Variants in DSE observed in about 807,000 individuals in gnomAD.
DSE encodes dermatan-sulfate epimerase.
Under a neutral mutation model 84.4 loss-of-function variants are expected in DSE, and 36 were observed. The ratio of observed to expected loss-of-function variants is 0.43; its 90% CI spans 0.33 to 0.56. The LOEUF is 0.56. Among genes scored for constraint, DSE ranks in the 20% least tolerant of loss-of-function variants. The pLI is 0.06. For synonymous variants in DSE, 410 were observed against 430.1 expected (o/e 0.95, Z 0.58); for missense variants, 862 against 1,169.6 (o/e 0.74, Z 3.84).
chr6:116,358,653 A>G (rs752110600), intron 2 of DSE, among the ~76,000 whole-genome samples: 4 of 152,182 alleles, frequency 2.6e-5, no homozygotes, highest in Non-Finnish European at 5.9e-5. Context: ...TGATCTTCCT[A>G]TTGGAAGAGC....
At chr6:116,291,028 G>T (rs1455873287) in intron 2 of DSE, among the ~76,000 whole-genome samples, 3 of 152,178 alleles carry the variant, frequency 2.0e-5, no homozygotes, top group Non-Finnish European at 4.4e-5. Context: ...CACTTCGTCT[G>T]TTCTTTCCAA....
At chr6:116,397,675 C>T (rs939369204) in intron 1 of DSE, among the ~76,000 whole-genome samples, 1 of 152,170 alleles carries the variant, frequency 6.6e-6, no homozygotes, top group South Asian at 2.1e-4. Context: ...TCCAGCCTGC[C>T]AGCTGCCTTG....
At chr6:116,433,685 T>A in intron 5 of DSE, 135 bp downstream of exon 5, 1 of 928,524 alleles carries the variant, frequency 1.1e-6, no homozygotes, top group Non-Finnish European at 1.6e-6. Context: ...CCTGAGTATA[T>A]GAAGTTTCAA....
intron 2 of DSE, among the ~76,000 whole-genome samples, chr6:116,291,290 A>T (rs926774112): frequency 9.9e-5 from 15 of 152,178 alleles, no homozygotes; most frequent in Non-Finnish European, 1.8e-4. Flanking sequence ...TTGGGTGCAC[A>T]GAATAGGAAA....
chr6:116,392,205 A>T (rs544684428), intron 1 of DSE, among the ~76,000 whole-genome samples: 3 of 152,316 alleles, frequency 2.0e-5, no homozygotes, highest in South Asian at 4.1e-4. Flanking sequence ...AGCCCTGTCT[A>T]GTATATCCTA....
Position 116,375,967 on chromosome 6 carries a change from A to G in DSE, c.-54+4846A>G, listed in dbSNP as rs11754507. Among the ~76,000 whole-genome samples, 1,511 of 152,322 alleles carry G rather than the reference A, an allele frequency of 9.9e-3. 12 individuals carry two copies. The highest frequency in any genetic ancestry group is 0.016 in the Non-Finnish European group (1,121 of 68,026). Reference sequence around the variant, plus strand: ...TCAAGTCATTAGTGGTATACCTTAAATAGAAGATTAACTTAAATTACACAT... The same window carrying G: ...TCAAGTCATTAGTGGTATACCTTAAGTAGAAGATTAACTTAAATTACACAT... On this transcript the variant is annotated intron_variant, in intron 1 of 5. Transcript: ENST00000644252.
intron 2 of DSE, among the ~76,000 whole-genome samples, chr6:116,345,429 C>T (rs992470183): frequency 3.9e-5 from 6 of 152,182 alleles, no homozygotes; most frequent in African/African-American, 1.4e-4. Flanking sequence ...TCTCAGACCA[C>T]AGTGCAATCA....
At chr6:116,260,146 C>T (rs1772349879) in intron 2 of DSE, among the ~76,000 whole-genome samples, 2 of 151,588 alleles carry the variant, frequency 1.3e-5, no homozygotes, top group South Asian at 4.2e-4. Flanking sequence ...ACCTCGCCAG[C>T]ATCTGTTTTT....
exon 2 of DSE, chr6:116,258,625 C>T (rs756697356): frequency 4.3e-6 from 7 of 1,612,438 alleles, no homozygotes; most frequent in East Asian, 4.5e-5. Flanking sequence ...CTTAATGTTC[C>T]GGAAGGCAGC....
chr6:116,347,102 G>T (rs1374682534), intron 2 of DSE, among the ~76,000 whole-genome samples: 1 of 152,138 alleles, frequency 6.6e-6, no homozygotes, highest in East Asian at 1.9e-4. Flanking sequence ...ACAGACCACT[G>T]CTCAATTAAA....
In DSE at chr6:116,438,703, G is replaced by T. The variant is rs754931773; in HGVS notation, c.*1358G>T. The T allele has an allele frequency of 2.0e-5, 3 of 152,138 alleles. No individual in the cohort carries two copies. The highest frequency in any genetic ancestry group is 4.4e-5 in the Non-Finnish European group (3 of 67,998). 9.4% of individuals were successfully genotyped at this position (152,138 alleles called of 1,614,324 possible). A position where few individuals can be genotyped will look rare whatever the true frequency, so the allele number is the denominator to read the frequency against. On this transcript the variant is annotated 3_prime_UTR_variant, in exon 6 of 6. Coordinates refer to ENST00000644252, the MANE Select transcript of DSE (RefSeq NM_013352.4). ...AAATATGTTCAGCTCAAATTTTACA[G>T]TAAGGACACACTCACTGATTTATAG...
At chr6:116,371,358 G>A (rs368029470) in intron 1 of DSE, among the ~76,000 whole-genome samples, 3 of 152,210 alleles carry the variant, frequency 2.0e-5, no homozygotes, top group Non-Finnish European at 4.4e-5. Flanking sequence ...GAGCAGCCTC[G>A]AGGGGCAGCT....
In DSE at chr6:116,436,428, C is replaced by A; in HGVS notation, c.1960C>A (p.Arg654=). 2.5e-6 allele frequency: 4 copies of A among 1,614,112 alleles called. No individual in the cohort carries two copies. Among genetic ancestry groups the A allele is most frequent in the Non-Finnish European group, 3.4e-6 (4 of 1,180,004 alleles). The change falls in exon 6 of 6, where the codon CGA becomes AGA. Residue 654 remains arginine, a synonymous_variant. Transcript: ENST00000644252. ...TNYVNVTMHL[R]SPITRAAYLF... is the part of the protein sequence containing the mutation. ...CTATGTGAATGTCACCATGCACCTC[C>A]GAAGTCCCATCACCAGGGCAGCTTA... is the stretch of plus-strand genomic sequence containing the variant.
At chr6:116,280,135 T>A in intron 2 of DSE, 2 of 460,256 alleles carry the variant, frequency 4.3e-6, no homozygotes, top group East Asian at 4.8e-5. Context: ...CGACCCACCT[T>A]GAGATGCATC....
chr6:116,314,986 C>A (rs1047225286), intron 2 of DSE, among the ~76,000 whole-genome samples: 12 of 152,162 alleles, frequency 7.9e-5, no homozygotes, highest in African/African-American at 2.2e-4. Flanking sequence ...AGGCTCTGAA[C>A]CCATTGTTTT....
upstream of DSE, chr6:116,369,824 G>T: frequency 1.9e-6 from 2 of 1,062,462 alleles, no homozygotes; most frequent in Non-Finnish European, 2.5e-6. Flanking sequence ...TGGCCAAATA[G>T]AAGTGAGAAC....
intron 2 of DSE, among the ~76,000 whole-genome samples, chr6:116,410,735 A>C (rs1488269245): frequency 7.1e-5 from 1 of 14,010 alleles, no homozygotes; most frequent in Non-Finnish European, 2.0e-4. Context: ...CTCTGTCTCA[A>C]AAAAAAAAAA....
chr6:116,436,796 C>T lies in DSE; in HGVS notation c.2328C>T (p.Arg776=), dbSNP rs763858050. 1.2e-6 allele frequency: 2 copies of T among 1,614,102 alleles called. No individual in the cohort carries two copies. The highest frequency in any genetic ancestry group is 1.3e-5 in the African/African-American group (1 of 75,028). The part of the protein sequence containing the change: ...NTASFRKTAE[R]LLRFSDKRQT... ...CTAGCTTTAGGAAGACTGCTGAACG[C>T]CTGCTGAGATTTTCAGATAAGAGAC... The change falls in exon 6 of 6, where the codon CGC becomes CGT. Residue 776 remains arginine, a synonymous_variant. Coordinates refer to ENST00000644252, the MANE Select transcript of DSE (RefSeq NM_013352.4).
intron 2 of DSE, among the ~76,000 whole-genome samples, chr6:116,425,708 C>T (rs1783400786): frequency 6.7e-6 from 1 of 149,980 alleles, no homozygotes; most frequent in South Asian, 2.1e-4. Context: ...CTGCAAGCTC[C>T]GCCTCCCAGG....
Sources: gnomAD v4.1 joint callset for allele counts (sites outside exome capture counted in the v4.1 genomes callset) on GRCh38, gnomAD v4.1.1 for gene constraint, MANE v1.5 for transcripts, NCBI Gene and HGNC (gene_info 2026-07-23, HGNC 2026-07-21) for gene names.